The following GPC5 variants were observed in gnomAD, a reference collection of about 807,000 sequenced individuals.
GPC5 encodes glypican-5.
In GPC5, 47 loss-of-function variants were observed where a neutral mutation model predicts 53.9. That is an observed-to-expected ratio of 0.87 (90% CI 0.69 to 1.11). GPC5 has a LOEUF of 1.11. GPC5 is among the 50% of genes most tolerant of loss of function. The pLI is 0.00. For synonymous variants in GPC5, 286 were observed against 263.3 expected (o/e 1.09, Z -0.84); for missense variants, 748 against 713.1 (o/e 1.05, Z -0.56).
At chr13:91,459,624 A>G (rs1881801600) in intron 2 of GPC5, among the ~76,000 whole-genome samples, 1 of 152,052 alleles carries the variant, frequency 6.6e-6, no homozygotes, top group African/African-American at 2.4e-5. Context: ...GTAGAGTTGG[A>G]GTGAGACAAA....
intron 7 of GPC5, among the ~76,000 whole-genome samples, chr13:92,455,025 C>T (rs983462373): frequency 2.0e-5 from 3 of 152,098 alleles, no homozygotes; most frequent in Non-Finnish European, 4.4e-5. Context: ...ACTTAATTTA[C>T]ACATGCTATA....
chr13:91,982,638 G>T (rs565342149), intron 6 of GPC5, among the ~76,000 whole-genome samples: 2 of 152,106 alleles, frequency 1.3e-5, no homozygotes, highest in Non-Finnish European at 2.9e-5. Context: ...GAAGTCAAAG[G>T]AGAATTAGAT....
In GPC5 at chr13:92,331,548, AT is replaced by A. The variant is rs761083270; in HGVS notation, c.1561+186560del. On this transcript the variant is annotated intron_variant, in intron 7 of 7. Coordinates refer to ENST00000377067, the MANE Select transcript of GPC5 (RefSeq NM_004466.6). ...GATATTTAGTTCAAATATAAGCACA[AT>A]ATGAACACTGGCAGTGTTAATAACT... 4.6e-5 allele frequency among the ~76,000 whole-genome samples: 7 copies of A among 152,304 alleles called. No homozygotes were observed. The East Asian group carries it at 5.8e-4, about 13-fold the overall frequency.
At chr13:92,493,747 T>G (rs1405615163) in intron 7 of GPC5, among the ~76,000 whole-genome samples, 1 of 152,156 alleles carries the variant, frequency 6.6e-6, no homozygotes, top group Non-Finnish European at 1.5e-5. Context: ...AAGCAAAGCC[T>G]TTGGATTCAG....
chr13:92,483,209 A>T (rs1879422369), intron 7 of GPC5, among the ~76,000 whole-genome samples: 1 of 152,162 alleles, frequency 6.6e-6, no homozygotes, highest in African/African-American at 2.4e-5. Context: ...TATCAGATAC[A>T]TTCTGAGAAA....
At chr13:92,215,797 G>A (rs1427488250) in intron 7 of GPC5, among the ~76,000 whole-genome samples, 5 of 152,128 alleles carry the variant, frequency 3.3e-5, no homozygotes, top group Non-Finnish European at 7.3e-5. Flanking sequence ...GTGGCACCAC[G>A]TAAGAAGTCT....
At position 91,860,546 on chromosome 13, in the gene GPC5, G is replaced by A. The variant is rs1465992598; in HGVS notation, c.1281-47391G>A. On this transcript the variant is annotated intron_variant, in intron 5 of 7. Transcript: ENST00000377067. Reference sequence around the variant, plus strand: ...ATTTCTTTTTTTTTTTTTTGAGATGGAGTCTTGCTCTGGAGTGCATTGGCG... The same window carrying A: ...ATTTCTTTTTTTTTTTTTTGAGATGAAGTCTTGCTCTGGAGTGCATTGGCG... Among the ~76,000 whole-genome samples, 3 of 140,188 alleles carry A rather than the reference G, an allele frequency of 2.1e-5. No individual in the cohort carries two copies. The East Asian group carries it at 6.3e-4, about 29-fold the overall frequency. 92.0% of individuals were successfully genotyped at this position (140,188 alleles called of 152,430 possible). A position where few individuals can be genotyped will look rare whatever the true frequency, so the allele number is the denominator to read the frequency against.
chr13:91,594,557 CTTTATGT>C (rs978278214), intron 2 of GPC5, among the ~76,000 whole-genome samples: 4 of 152,260 alleles, frequency 2.6e-5, no homozygotes, highest in African/African-American at 7.2e-5. Context: ...TTTTAGATCC[CTTTATGT>C]TTTATGTTCC....
chr13:92,746,317 C>A (rs1889241563), intron 7 of GPC5, among the ~76,000 whole-genome samples: 1 of 152,116 alleles, frequency 6.6e-6, no homozygotes, highest in African/African-American at 2.4e-5. Flanking sequence ...CAAAATATAT[C>A]TTGTTCACTA....
intron 6 of GPC5, among the ~76,000 whole-genome samples, chr13:92,120,479 C>CA (rs951391683): frequency 1.3e-5 from 2 of 152,080 alleles, no homozygotes; most frequent in African/African-American, 4.8e-5. Context: ...AAGCTGGTCT[C>CA]AAACTTCTGG....
chr13:91,666,242 A>G (rs966936567), intron 2 of GPC5, among the ~76,000 whole-genome samples: 2 of 152,216 alleles, frequency 1.3e-5, no homozygotes, highest in Non-Finnish European at 2.9e-5. Context: ...CAAGAGAATG[A>G]GTTGGAATAA....
At chr13:92,350,131 C>A (rs985869316) in intron 7 of GPC5, among the ~76,000 whole-genome samples, 1 of 152,048 alleles carries the variant, frequency 6.6e-6, no homozygotes. Flanking sequence ...AAGACAAAAA[C>A]CATATAATTC....
At chr13:91,959,986 T>G (rs890537294) in intron 6 of GPC5, among the ~76,000 whole-genome samples, 1 of 151,894 alleles carries the variant, frequency 6.6e-6, no homozygotes, top group Non-Finnish European at 1.5e-5. Context: ...AGCATCATAC[T>G]GAATGAGGAA....
chr13:91,840,524 A>T (rs1318767528), intron 5 of GPC5, among the ~76,000 whole-genome samples: 1 of 152,068 alleles, frequency 6.6e-6, no homozygotes, highest in Non-Finnish European at 1.5e-5. Flanking sequence ...AAACCTTCTG[A>T]GAATAAAACA....
At chr13:91,504,868 C>T (rs932622953) in intron 2 of GPC5, among the ~76,000 whole-genome samples, 2 of 152,038 alleles carry the variant, frequency 1.3e-5, no homozygotes, top group African/African-American at 2.4e-5. Flanking sequence ...GTAGGAGGAT[C>T]GCTTGAGGTA....
At position 91,843,173 on chromosome 13, in the gene GPC5, C is replaced by T. The variant is rs1418568184; in HGVS notation, c.1281-64764C>T. Among the ~76,000 whole-genome samples the T allele has an allele frequency of 3.3e-5, 5 of 152,286 alleles. No homozygotes were observed. In the East Asian group the frequency reaches 7.7e-4, roughly 23 times the overall value. ...GCTACACACCAGAAGAAACATAAAACTTGATTAATGATCCTCATGTTTCTA... is the reference window on the plus strand; with the variant it reads ...GCTACACACCAGAAGAAACATAAAATTTGATTAATGATCCTCATGTTTCTA... On this transcript the variant is annotated intron_variant, in intron 5 of 7. Coordinates refer to ENST00000377067, the MANE Select transcript of GPC5 (RefSeq NM_004466.6).
intron 6 of GPC5, among the ~76,000 whole-genome samples, chr13:91,917,090 A>G (rs548578477): frequency 6.6e-6 from 1 of 152,198 alleles, no homozygotes; most frequent in Non-Finnish European, 1.5e-5. Flanking sequence ...CTCATTTAAG[A>G]CAAGGCAAGT....
chr13:92,387,737 C>G (rs943617769), intron 7 of GPC5, among the ~76,000 whole-genome samples: 2 of 152,078 alleles, frequency 1.3e-5, no homozygotes, highest in African/African-American at 2.4e-5. Context: ...TCTAACTCTA[C>G]CATCAAACTA....
intron 6 of GPC5, among the ~76,000 whole-genome samples, chr13:92,113,520 A>G (rs2041574796): frequency 6.6e-6 from 1 of 152,198 alleles, no homozygotes; most frequent in Admixed American, 6.5e-5. Flanking sequence ...AAGCTTAGAC[A>G]TTTGTCTTCA....
Sources: gnomAD v4.1 joint callset for allele counts (sites outside exome capture counted in the v4.1 genomes callset) on GRCh38, gnomAD v4.1.1 for gene constraint, MANE v1.5 for transcripts, NCBI Gene and HGNC (gene_info 2026-07-23, HGNC 2026-07-21) for gene names.